Variants in CREBRF observed in about 807,000 individuals in gnomAD.
The protein encoded by CREBRF is CREB3 regulatory factor.
A neutral mutation model predicts 66.1 loss-of-function variants in CREBRF; 5 were observed. The ratio of observed to expected loss-of-function variants is 0.08; its 90% CI spans 0.04 to 0.16. The LOEUF is 0.16. Ranked by LOEUF, CREBRF falls within the 10% of genes least tolerant of loss-of-function variation. The pLI, the probability that CREBRF is intolerant of heterozygous loss-of-function variation, is 1.00. For synonymous variants in CREBRF, 229 were observed against 264.4 expected (o/e 0.87, Z 1.30); for missense variants, 531 against 744.9 (o/e 0.71, Z 3.34).
intron 1 of CREBRF, among the ~76,000 whole-genome samples, chr5:173,058,819 G>C (rs1757163583): frequency 7.6e-6 from 1 of 131,402 alleles, no homozygotes; most frequent in South Asian, 2.5e-4. Context: ...TTTTTAAGAC[G>C]GAGTCTCCGT....
chr5:173,112,661 A>T (rs1304099380), intron 7 of CREBRF, among the ~76,000 whole-genome samples: 1 of 152,222 alleles, frequency 6.6e-6, no homozygotes, highest in Non-Finnish European at 1.5e-5. Context: ...TTTTCTATAA[A>T]AGATGTGAAA....
chr5:173,077,495 C>T (rs1264859239), intron 1 of CREBRF, among the ~76,000 whole-genome samples: 2 of 151,920 alleles, frequency 1.3e-5, no homozygotes, highest in African/African-American at 4.8e-5. Context: ...CAGGTTCAAG[C>T]GATTCTCCTG....
rs571544357 is a variant in CREBRF at position 173,062,313 on chromosome 5, A to T, written c.-192+5834A>T. Among the ~76,000 whole-genome samples the T allele has an allele frequency of 3.3e-5, 5 of 152,230 alleles. No individual in the cohort carries two copies. In the South Asian group the frequency reaches 1.0e-3, roughly 32 times the overall value. Reference sequence around the variant, plus strand: ...TTCACTGCCTCACACTGTGCCTGATACCTTTTAGTGCTCTTGAACTGTTTA... The same window carrying T: ...TTCACTGCCTCACACTGTGCCTGATTCCTTTTAGTGCTCTTGAACTGTTTA... On this transcript the variant is annotated intron_variant, in intron 1 of 8. Transcript: ENST00000296953.
intron 8 of CREBRF, chr5:173,124,226 A>C (rs904055068): frequency 6.6e-6 from 1 of 152,160 alleles, no homozygotes; most frequent in Non-Finnish European, 1.5e-5. Context: ...CTTGAATATG[A>C]GTCTCCATTT....
chr5:173,090,356 T>A lies in CREBRF; in HGVS notation c.177T>A (p.Phe59Leu), dbSNP rs751590431. ...ACCAACAGAATCCTAGAGACAACTT[T>A]CTTTCTTTGGAGGACTGCAAAGACA... is the stretch of plus-strand genomic sequence containing the variant. ...MNYQQNPRDN[F>L]LSLEDCKDIE... The change falls in exon 4 of 9, where the codon TTT becomes TTA. Residue 59 changes from phenylalanine (F) to leucine (L), a missense_variant. Coordinates refer to ENST00000296953, the MANE Select transcript of CREBRF (RefSeq NM_153607.3). The surrounding 1 kb of genome is among the most constrained non-coding windows in gnomAD (Gnocchi z 4.5). 1.4e-5 allele frequency: 23 copies of A among 1,603,962 alleles called. No individual in the cohort carries two copies. The highest frequency in any genetic ancestry group is 2.2e-5 in the East Asian group (1 of 44,540).
intron 4 of CREBRF, among the ~76,000 whole-genome samples, chr5:173,096,212 G>A (rs1030595649): frequency 5.9e-5 from 9 of 152,108 alleles, no homozygotes; most frequent in East Asian, 5.8e-4. Flanking sequence ...CTTGTGATCC[G>A]CCCGCCTTGG....
At chr5:173,130,629 A>G (rs1199538656) in intron 8 of CREBRF, among the ~76,000 whole-genome samples, 1 of 151,882 alleles carries the variant, frequency 6.6e-6, no homozygotes, top group Admixed American at 6.6e-5. Flanking sequence ...GACTCAAGTG[A>G]TCTTTCAGCA....
chr5:173,068,672 C>T (rs1413796233), intron 1 of CREBRF, among the ~76,000 whole-genome samples: 1 of 151,924 alleles, frequency 6.6e-6, no homozygotes, highest in African/African-American at 2.4e-5. Context: ...TGACATACAC[C>T]CTCATAAACC....
chr5:173,076,739 C>G (rs2560326), intron 1 of CREBRF, among the ~76,000 whole-genome samples: 94,757 of 142,304 alleles, frequency 0.67, 31,536 homozygotes, highest in African/African-American at 0.71. Context: ...CTGGGGGACA[C>G]AGTCAGTCTC....
At chr5:173,092,336 C>T (rs1446805707) in intron 4 of CREBRF, 3 of 984,004 alleles carry the variant, frequency 3.0e-6, no homozygotes, top group Admixed American at 1.2e-4. Flanking sequence ...ATGAAGGAGA[C>T]TCTGCTTTAT....
At chr5:173,060,617 ACTT>A (rs1757242037) in intron 1 of CREBRF, among the ~76,000 whole-genome samples, 1 of 152,024 alleles carries the variant, frequency 6.6e-6, no homozygotes, top group Non-Finnish European at 1.5e-5. Context: ...ATTCACTGAC[ACTT>A]TCACCATATT....
intron 1 of CREBRF, among the ~76,000 whole-genome samples, chr5:173,079,474 A>G (rs1012541046): frequency 1.3e-5 from 2 of 151,864 alleles, no homozygotes; most frequent in African/African-American, 2.4e-5. Flanking sequence ...TTTAAAAAAA[A>G]AAAAAAAAAA....
At chr5:173,057,118 C>A (rs955588549) in intron 1 of CREBRF, among the ~76,000 whole-genome samples, 4 of 152,038 alleles carry the variant, frequency 2.6e-5, no homozygotes, top group African/African-American at 9.7e-5. Flanking sequence ...GTTTATATGT[C>A]TTCTCAAAGC....
intron 3 of CREBRF, among the ~76,000 whole-genome samples, chr5:173,088,783 T>G (rs1283006945): frequency 6.6e-6 from 1 of 152,126 alleles, no homozygotes; most frequent in African/African-American, 2.4e-5. Context: ...ACTGGAAAAC[T>G]GAGTGCTCAA....
rs1758300387 is a variant in CREBRF, at chr5:173,090,736, GTTC to G, written c.562_564del (p.Ser188del). On this transcript the variant is annotated inframe_deletion, in exon 4 of 9. Transcript: ENST00000296953. This position sits in a 1 kb window ranked among gnomAD's most constrained non-coding sequence, Gnocchi z 4.5. The stretch of plus-strand genomic sequence containing the variant: ...ACAAGCAGAGCAGCTGCTCCTGTGT[GTTC>G]TTCTAAGACTCTGCAGGCTGAGGTC... 1.2e-6 allele frequency: 2 copies of G among 1,614,160 alleles called. No individual in the cohort carries two copies. Among genetic ancestry groups the G allele is most frequent in the Admixed American group, 1.7e-5 (1 of 60,010 alleles).
At position 173,091,325 on chromosome 5, in the gene CREBRF, T is replaced by A; in HGVS notation, c.1146T>A (p.Asn382Lys). The A allele has an allele frequency of 6.2e-7, 1 of 1,612,838 alleles. No individual in the cohort carries two copies. The highest frequency in any genetic ancestry group is 8.5e-7 in the Non-Finnish European group (1 of 1,179,372). Reference protein sequence around the residue: ...GFGSEHELSENEEEEEEEEDY... With the variant: ...GFGSEHELSEKEEEEEEEEDY... ...GCAGTGAGCATGAACTGTCTGAAAATGAGGAGGAGGAAGAAGAGGAAGAGG... is the reference window on the plus strand; with the variant it reads ...GCAGTGAGCATGAACTGTCTGAAAAAGAGGAGGAGGAAGAAGAGGAAGAGG... Residue 382 changes from asparagine (N) to lysine (K), a missense_variant, in exon 4 of 9, where the codon AAT becomes AAA. Transcript: ENST00000296953.
intron 7 of CREBRF, among the ~76,000 whole-genome samples, chr5:173,120,193 T>G (rs1391380731): frequency 6.6e-6 from 1 of 152,122 alleles, no homozygotes; most frequent in Non-Finnish European, 1.5e-5. Context: ...TGATCTCTCT[T>G]TCTTTTTTGT....
chr5:173,098,240 C>T (rs1405109117), intron 4 of CREBRF, among the ~76,000 whole-genome samples: 6 of 149,950 alleles, frequency 4.0e-5, no homozygotes, highest in Admixed American at 1.3e-4. Context: ...CAGGCTGGAG[C>T]GCAGTGGCGC....
intron 1 of CREBRF, among the ~76,000 whole-genome samples, chr5:173,073,107 C>T (rs577181557): frequency 4.6e-5 from 7 of 152,324 alleles, no homozygotes; most frequent in South Asian, 2.1e-4. Flanking sequence ...ATAGAGCTCA[C>T]GCATGCACAT....
Sources: allele counts gnomAD v4.1 joint callset (sites outside exome capture counted in the v4.1 genomes callset), GRCh38; gene constraint gnomAD v4.1.1; non-coding constraint Gnocchi (gnomAD v3.1); transcripts MANE v1.5; gene names NCBI Gene and HGNC (gene_info 2026-07-23, HGNC 2026-07-21).